The following RAP1A variants were observed in gnomAD, a reference collection of about 807,000 sequenced individuals.
The protein encoded by RAP1A is ras-related protein Rap-1A.
A neutral mutation model predicts 26.4 loss-of-function variants in RAP1A; 6 were observed. The observed-to-expected ratio is 0.23, with a 90% CI of 0.12 to 0.45. RAP1A has a LOEUF of 0.45. Ranked by LOEUF, RAP1A falls within the 20% of genes least tolerant of loss-of-function variation. The pLI, the probability that RAP1A is intolerant of heterozygous loss-of-function variation, is 0.99. For missense variants in RAP1A, 121 were observed against 217.2 expected (o/e 0.56, Z 2.78); for synonymous variants, 73 against 79.4 (o/e 0.92, Z 0.43).
intron 1 of RAP1A, among the ~76,000 whole-genome samples, chr1:111,610,020 C>G (rs971390586): frequency 2.6e-5 from 4 of 152,186 alleles, no homozygotes; most frequent in Admixed American, 2.6e-4. Context: ...ACATCATTCA[C>G]GTACTGCTCT....
intron 1 of RAP1A, among the ~76,000 whole-genome samples, chr1:111,670,787 C>T (rs566869522): frequency 6.6e-6 from 1 of 152,244 alleles, no homozygotes; most frequent in African/African-American, 2.4e-5. Flanking sequence ...GAAAAGTGCA[C>T]ACACTAACAC....
chr1:111,619,802 A>C lies in RAP1A; in HGVS notation c.-160A>C. 2.5e-6 allele frequency: 1 copy of C among 397,864 alleles called. No homozygotes were observed. The highest frequency in any genetic ancestry group is 4.4e-6 in the Non-Finnish European group (1 of 226,148). 24.6% of individuals were successfully genotyped at this position (397,864 alleles called of 1,614,324 possible). A position where few individuals can be genotyped will look rare whatever the true frequency, so the allele number is the denominator to read the frequency against. On this transcript the variant is annotated 5_prime_UTR_variant, in exon 1 of 8. Transcript: ENST00000369709. ...GGAGGAGGCGCCGCCGCCGCTCCCG[A>C]GGCCCCTGCCGCCGCCGCTCCCGCT...
intron 1 of RAP1A, among the ~76,000 whole-genome samples, chr1:111,669,056 A>G (rs1009329763): frequency 6.6e-6 from 1 of 151,832 alleles, no homozygotes; most frequent in Non-Finnish European, 1.5e-5. Flanking sequence ...AAAGAAAGAA[A>G]AGAAATGTAT....
chr1:111,648,227 G>A (rs902436165), intron 1 of RAP1A: 2 of 459,104 alleles, frequency 4.4e-6, no homozygotes, highest in African/African-American at 2.2e-5. Flanking sequence ...TTGACTTCCA[G>A]TGACCTTTGA....
intron 1 of RAP1A, among the ~76,000 whole-genome samples, chr1:111,687,972 C>G (rs1054978066): frequency 5.1e-5 from 7 of 137,872 alleles, no homozygotes; most frequent in African/African-American, 1.9e-4. Flanking sequence ...GAGCTATGAT[C>G]ACACCGCTGT....
At chr1:111,585,153 C>T (rs1377130973) in intron 1 of RAP1A, among the ~76,000 whole-genome samples, 1 of 152,218 alleles carries the variant, frequency 6.6e-6, no homozygotes, top group African/African-American at 2.4e-5. Flanking sequence ...TAATCCTCCT[C>T]TTTCAAGTCT....
At chr1:111,619,665 C>G (rs1659102367), upstream of RAP1A, 3 of 391,060 alleles carry the variant, frequency 7.7e-6, no homozygotes, top group Non-Finnish European at 1.4e-5. Flanking sequence ...CTCCTTTAAG[C>G]GGACTCCGGA....
chr1:111,634,669 G>A (rs1489101527), intron 1 of RAP1A, among the ~76,000 whole-genome samples: 3 of 151,508 alleles, frequency 2.0e-5, no homozygotes, highest in Non-Finnish European at 4.4e-5. Flanking sequence ...TTTTCGAGAT[G>A]GAGTCTCACT....
intron 1 of RAP1A, among the ~76,000 whole-genome samples, chr1:111,676,262 A>G (rs1661120226): frequency 2.0e-5 from 3 of 152,298 alleles, no homozygotes; most frequent in East Asian, 1.9e-4. Context: ...AGAGTGAGGC[A>G]GGAGACTCAC....
At chr1:111,674,539 TC>T (rs1661067917) in intron 1 of RAP1A, among the ~76,000 whole-genome samples, 1 of 152,238 alleles carries the variant, frequency 6.6e-6, no homozygotes, top group African/African-American at 2.4e-5. Flanking sequence ...CTACAGAACC[TC>T]CAGACTTGGC....
At chr1:111,648,520 C>A in intron 1 of RAP1A, 1 of 558,164 alleles carries the variant, frequency 1.8e-6, no homozygotes, top group Non-Finnish European at 3.4e-6. Flanking sequence ...CGTTGCCCCT[C>A]TGCCCGGGTC....
At chr1:111,627,810 T>G (rs1233596981) in intron 1 of RAP1A, among the ~76,000 whole-genome samples, 1 of 152,066 alleles carries the variant, frequency 6.6e-6, no homozygotes, top group Non-Finnish European at 1.5e-5. Context: ...ATTTTAATGT[T>G]CTTTTATTAA....
At chr1:111,544,741 T>C (rs549303673) in intron 1 of RAP1A, among the ~76,000 whole-genome samples, 7 of 151,948 alleles carry the variant, frequency 4.6e-5, no homozygotes, top group African/African-American at 9.7e-5. Context: ...ATTTTTGGTA[T>C]ATACCCAATT....
chr1:111,687,904 C>T (rs1298456870), intron 1 of RAP1A, among the ~76,000 whole-genome samples: 3 of 151,734 alleles, frequency 2.0e-5, no homozygotes, highest in South Asian at 4.2e-4. Context: ...GTAGTGCCAG[C>T]TGCTCAGGAG....
chr1:111,648,377 G>C (rs1034332830), intron 1 of RAP1A: 1 of 637,914 alleles, frequency 1.6e-6, no homozygotes, highest in Non-Finnish European at 2.9e-6. Flanking sequence ...GGTTCGCATG[G>C]AGTTGCTGCT....
rs779577291 is a variant in RAP1A, at chr1:111,703,299, T to C, written c.184-37T>C. ...ATTGTTGCAGTATACATTCAAGAAATTTATATATTTATAATTGCATATTTT... is the reference window on the plus strand; with the variant it reads ...ATTGTTGCAGTATACATTCAAGAAACTTATATATTTATAATTGCATATTTT... On this transcript the variant is annotated intron_variant, in intron 4 of 7. Coordinates refer to ENST00000369709, the MANE Select transcript of RAP1A (RefSeq NM_002884.4). The C allele has an allele frequency of 2.1e-5, 28 of 1,359,036 alleles. No individual in the cohort carries two copies. The South Asian group carries it at 3.1e-4, about 15-fold the overall frequency. The allele number at this position is 1,359,036 out of a possible 1,614,324, so 84.2% of individuals were successfully genotyped here.
Position 111,714,255 on chromosome 1 carries a change from A to T in RAP1A, c.*1854A>T, listed in dbSNP as rs1397856287. 1 of 152,166 alleles carries T rather than the reference A, an allele frequency of 6.6e-6. No homozygotes were observed. Among genetic ancestry groups the T allele is most frequent in the Non-Finnish European group, 1.5e-5 (1 of 68,028 alleles). 9.4% of individuals were successfully genotyped at this position (152,166 alleles called of 1,614,324 possible). A position where few individuals can be genotyped will look rare whatever the true frequency, so the allele number is the denominator to read the frequency against. On this transcript the variant is annotated 3_prime_UTR_variant, in exon 8 of 8. Transcript: ENST00000369709. ...AGGGGCCAAAACTATAGCGAACTTG[A>T]ATGAAGTATTAGGGCCAGTTGTCAG...
At chr1:111,688,457 C>G (rs983950836) in intron 1 of RAP1A, among the ~76,000 whole-genome samples, 7 of 151,410 alleles carry the variant, frequency 4.6e-5, no homozygotes, top group Non-Finnish European at 7.4e-5. Flanking sequence ...GTAGCTGAGA[C>G]GACAGGCTCA....
rs561754536 is a variant in RAP1A, at chr1:111,658,280, A to G, written c.-27-33054A>G. Among the ~76,000 whole-genome samples, 11 of 152,238 alleles carry G rather than the reference A, an allele frequency of 7.2e-5. No homozygotes were observed. In the South Asian group the frequency reaches 8.3e-4, roughly 11 times the overall value. On this transcript the variant is annotated intron_variant, in intron 1 of 7. Coordinates refer to ENST00000369709, the MANE Select transcript of RAP1A (RefSeq NM_002884.4). ...ATACAGTCACACATCACTTAACAAC[A>G]TATCTCCTAGCTGTGATCACACCAC... is the stretch of plus-strand genomic sequence containing the variant.
Sources: gnomAD v4.1 joint callset for allele counts (sites outside exome capture counted in the v4.1 genomes callset) on GRCh38, gnomAD v4.1.1 for gene constraint, MANE v1.5 for transcripts, NCBI Gene and HGNC (gene_info 2026-07-23, HGNC 2026-07-21) for gene names.